The following HHEX variants were observed in gnomAD, a reference collection of about 807,000 sequenced individuals.
The protein encoded by HHEX is hematopoietically-expressed homeobox protein HHEX.
A neutral mutation model predicts 27.0 loss-of-function variants in HHEX; 8 were observed. The ratio of observed to expected loss-of-function variants is 0.30; its 90% confidence interval spans 0.17 to 0.54. HHEX has a LOEUF of 0.54. Among genes scored for constraint, HHEX ranks in the 20% least tolerant of loss-of-function variants. The probability of loss-of-function intolerance (pLI) is 0.95; values close to 1 mark genes in which losing one functional copy is unlikely to be tolerated. For synonymous variants in HHEX, 164 were observed against 161.5 expected (o/e 1.02, Z -0.12); for missense variants, 326 against 357.2 (o/e 0.91, Z 0.70).
chr10:92,693,722 G>A (rs1003478437), intron 3 of HHEX, among the ~76,000 whole-genome samples: 2 of 151,848 alleles, frequency 1.3e-5, no homozygotes, highest in African/African-American at 4.8e-5. Context: ...AGACTATAAG[G>A]CTTGCAACTA....
intron 2 of HHEX, 40 bp from the exon 3 acceptor site, chr10:92,692,662 C>G: frequency 6.2e-7 from 1 of 1,610,358 alleles, no homozygotes; most frequent in Non-Finnish European, 8.5e-7. Flanking sequence ...CACGTCCCGA[C>G]GCGGGCTCGT....
rs762793686 is a variant in HHEX, at chr10:92,694,653, G to T, written c.698G>T (p.Ser233Ile). The change falls in exon 4 of 4, where the codon AGC (serine) becomes ATC (isoleucine). Residue 233 changes from serine to isoleucine, a missense_variant. By Grantham distance (142) the Ser-to-Ile change is moderately radical (BLOSUM62 -2). This residue lies in a region of HHEX where 68 missense variants were observed against 84.9 expected (regional missense o/e 0.80). Transcript: ENST00000282728. ...SEQNKGASLD[S>I]SQCSPSPASQ... The stretch of plus-strand genomic sequence containing the variant: ...CAGAATAAAGGTGCTTCTTTGGATA[G>T]CTCTCAATGTTCGCCCTCCCCTGCC... 1 of 1,614,116 alleles carries T rather than the reference G, an allele frequency of 6.2e-7. No individual in the cohort carries two copies. Among genetic ancestry groups the T allele is most frequent in the South Asian group, 1.1e-5 (1 of 91,082 alleles).
At chr10:92,692,618 CGAGA>C in intron 2 of HHEX, 72 bp downstream of exon 2, 2 of 1,604,324 alleles carry the variant, frequency 1.2e-6, no homozygotes, top group East Asian at 2.2e-5. Flanking sequence ...GCCGGGCCAC[CGAGA>C]GAGAGGCGAG....
intron 1 of HHEX, chr10:92,691,855 A>G (rs1589622482): frequency 6.6e-6 from 1 of 152,664 alleles, no homozygotes; most frequent in Non-Finnish European, 1.5e-5. Flanking sequence ...CCCGGCCAGG[A>G]TTGGAGGCTC....
At position 92,690,324 on chromosome 10, in the gene HHEX, C is replaced by A. The variant is rs540724252; in HGVS notation, c.338C>A (p.Ala113Asp). Residue 113 changes from alanine (A) to aspartate (D), a missense_variant, in exon 1 of 4, where the codon GCC becomes GAC. Coordinates refer to ENST00000282728, the MANE Select transcript of HHEX (RefSeq NM_002729.5). ...FPRTVNDYTHALLRHDPLGKP... is the reference protein window; with the variant it reads ...FPRTVNDYTHDLLRHDPLGKP... ...CGGACGGTGAACGACTACACGCACG[C>A]CCTGCTCCGCCACGACCCCCTGGGT... The A allele has an allele frequency of 3.3e-6, 5 of 1,513,316 alleles. No homozygotes were observed. The highest frequency in any genetic ancestry group is 1.7e-4 in the Middle Eastern group (1 of 5,842). 93.7% of individuals were successfully genotyped at this position (1,513,316 alleles called of 1,614,324 possible). A position where few individuals can be genotyped will look rare whatever the true frequency, so the allele number is the denominator to read the frequency against.
At chr10:92,692,012 G>A (rs1416384895) in intron 1 of HHEX, 1 of 180,500 alleles carries the variant, frequency 5.5e-6, no homozygotes, top group African/African-American at 2.4e-5. Flanking sequence ...GGGGCAAAAA[G>A]TTATGTATAA....
chr10:92,692,829 A>T, intron 3 of HHEX, 77 bp downstream of exon 3: 1 of 1,203,344 alleles, frequency 8.3e-7, no homozygotes, highest in Non-Finnish European at 1.2e-6. Flanking sequence ...TATGGGTTGT[A>T]TGCAAAAGTC....
chr10:92,692,375 T>C lies in HHEX; in HGVS notation c.369T>C (p.Pro123=). Residue 123 remains proline (P), a synonymous_variant, in exon 2 of 4, where the codon CCT becomes CCC. Coordinates refer to ENST00000282728, the MANE Select transcript of HHEX (RefSeq NM_002729.5). ...CGCTCTTCCCGCTCGCAGGCAAACC[T>C]CTACTCTGGAGCCCCTTCTTGCAGA... The part of the protein sequence containing the change: ...ALLRHDPLGK[P]LLWSPFLQRP... The C allele has an allele frequency of 6.2e-7, 1 of 1,613,376 alleles. No homozygotes were observed. The highest frequency in any genetic ancestry group is 8.5e-7 in the Non-Finnish European group (1 of 1,179,982).
chr10:92,690,447 G>A, intron 1 of HHEX, 100 bp downstream of exon 1: 2 of 1,322,390 alleles, frequency 1.5e-6, no homozygotes, highest in African/African-American at 1.6e-5. Flanking sequence ...GTAGACGGCT[G>A]TGGCAAAAGC....
chr10:92,691,320 C>T (rs1225119430), intron 1 of HHEX, among the ~76,000 whole-genome samples: 3 of 152,164 alleles, frequency 2.0e-5, no homozygotes, highest in Non-Finnish European at 4.4e-5. Context: ...CCTTCGAGGT[C>T]TGGAGCCCTA....
intron 2 of HHEX, 61 bp from the exon 3 acceptor site, chr10:92,692,641 C>G (rs1845369393): frequency 3.1e-6 from 5 of 1,605,340 alleles, no homozygotes; most frequent in Non-Finnish European, 8.5e-7. Flanking sequence ...AGGAGCCACC[C>G]TGCCCTCTGG....
chr10:92,690,496 GGC>G (rs200072506), intron 1 of HHEX, 149 bp downstream of exon 1: 18,379 of 1,024,012 alleles, frequency 0.018, 331 homozygotes, highest in South Asian at 0.059. Flanking sequence ...GGGGACGGGA[GGC>G]GCGCGGCCGG....
intron 3 of HHEX, among the ~76,000 whole-genome samples, chr10:92,694,088 T>C (rs1327814078): frequency 6.6e-6 from 1 of 152,234 alleles, no homozygotes; most frequent in African/African-American, 2.4e-5. Flanking sequence ...GTCTAATAAT[T>C]GAAACTTTAT....
chr10:92,692,507 G>A lies in HHEX; in HGVS notation c.501G>A (p.Arg167=). ...ETQKYLSPPE[R]KRLAKMLQLS... is the part of the protein sequence containing the mutation. ...AGAAATATCTCTCTCCGCCCGAGAG[G>A]AAGCGTCTGGCCAAGATGCTGCAGC... Residue 167 remains arginine, a synonymous_variant, in exon 2 of 4, where the codon AGG becomes AGA. Transcript: ENST00000282728. 1 of 1,613,938 alleles carries A rather than the reference G, an allele frequency of 6.2e-7. No homozygotes were observed. The highest frequency in any genetic ancestry group is 1.1e-5 in the South Asian group (1 of 91,062).
At chr10:92,690,407 G>A (rs1294796522) in intron 1 of HHEX, 60 bp downstream of exon 1, 2 of 1,394,338 alleles carry the variant, frequency 1.4e-6, no homozygotes, top group East Asian at 2.9e-5. Context: ...GGCAGCGCCC[G>A]GGAGGCCGAG....
chr10:92,694,074 T>C (rs1020294313), intron 3 of HHEX, among the ~76,000 whole-genome samples: 2 of 152,222 alleles, frequency 1.3e-5, no homozygotes, highest in Non-Finnish European at 2.9e-5. Context: ...TGAAAAAAGA[T>C]CCAGTCTAAT....
At chr10:92,692,312 G>A (rs1845363640) in intron 1 of HHEX, 56 bp from the exon 2 acceptor site, 1 of 1,574,658 alleles carries the variant, frequency 6.4e-7, no homozygotes, top group Admixed American at 1.8e-5. Flanking sequence ...GACAGCTCTG[G>A]GGTCTGGCCA....
At position 92,690,064 on chromosome 10, in the gene HHEX, C is replaced by T. The variant is rs1845335070; in HGVS notation, c.78C>T (p.Pro26=). The T allele has an allele frequency of 1.9e-6, 3 of 1,543,390 alleles. No homozygotes were observed. The highest frequency in any genetic ancestry group is 2.4e-5 in the South Asian group (2 of 83,678). The change falls in exon 1 of 4, where the codon CCC becomes CCT. Residue 26 remains proline, a synonymous_variant. Transcript: ENST00000282728. ...ACGCGCCCACGCCGCTGCTGCAACC[C>T]GCACACCCGACGCCCTTTTACATCG... ...PLYAPTPLLQ[P]AHPTPFYIED...
intron 1 of HHEX, 48 bp from the exon 2 acceptor site, chr10:92,692,320 C>T (rs1845363705): frequency 6.3e-7 from 1 of 1,598,592 alleles, no homozygotes; most frequent in Admixed American, 1.7e-5. Context: ...TGGGGTCTGG[C>T]CAGGCCGCTC....
Sources: gnomAD v4.1 joint callset for allele counts (sites outside exome capture counted in the v4.1 genomes callset) on GRCh38, gnomAD v4.1.1 for gene constraint, gnomAD v4.1.1 regional missense constraint, MANE v1.5 for transcripts, NCBI Gene and HGNC (gene_info 2026-07-23, HGNC 2026-07-21) for gene names.